The following COLEC11 variants were observed in gnomAD, a reference collection of about 807,000 sequenced individuals.
COLEC11 encodes collectin-11.
COLEC11 carries 20 observed loss-of-function variants against 27.3 expected under a neutral mutation model. The observed-to-expected ratio is 0.73, with a 90% CI of 0.51 to 1.06. COLEC11 has a LOEUF of 1.06. COLEC11 is among the 50% of genes least tolerant of loss of function. The pLI, the probability that COLEC11 is intolerant of heterozygous loss-of-function variation, is 0.00. For synonymous variants in COLEC11, 163 were observed against 154.7 expected, an observed-to-expected ratio of 1.05 and a Z score of -0.40; for missense variants, 310 against 383.0, an observed-to-expected ratio of 0.81 and a Z score of 1.59.
intron 4 of COLEC11, 32 bp from the exon 5 acceptor site, chr2:3,640,246 C>T (rs1407853652): frequency 1.4e-6 from 2 of 1,414,510 alleles, no homozygotes; most frequent in Admixed American, 3.4e-5. Flanking sequence ...CCATCTCTGC[C>T]TGGTGACTTG....
intron 2 of COLEC11, chr2:3,606,258 C>G (rs1197015763): frequency 6.5e-7 from 1 of 1,548,900 alleles, no homozygotes; most frequent in East Asian, 2.4e-5. Context: ...GTAGCCTGCA[C>G]TGGTGGGGGC....
intron 2 of COLEC11, among the ~76,000 whole-genome samples, chr2:3,606,780 T>C (rs537665193): frequency 3.2e-4 from 48 of 152,322 alleles, no homozygotes; most frequent in African/African-American, 1.1e-3. Context: ...ATTGGGTTAC[T>C]CAATGGAGAA....
intron 1 of COLEC11, among the ~76,000 whole-genome samples, chr2:3,598,988 C>T (rs951386259): frequency 7.9e-5 from 12 of 152,110 alleles, no homozygotes; most frequent in African/African-American, 2.9e-4. Context: ...TCCCTTACAT[C>T]GTGACTGAAG....
chr2:3,634,469 C>G (rs1472199034), intron 3 of COLEC11, among the ~76,000 whole-genome samples: 1 of 152,230 alleles, frequency 6.6e-6, no homozygotes, highest in Non-Finnish European at 1.5e-5. Flanking sequence ...CCTCCTCCTG[C>G]AGCAAAGCAG....
intron 3 of COLEC11, chr2:3,626,055 GA>G: frequency 6.2e-7 from 1 of 1,614,186 alleles, no homozygotes; most frequent in Non-Finnish European, 8.5e-7. Flanking sequence ...TCTCCAAAAG[GA>G]AGTGCACCTC....
intron 3 of COLEC11, among the ~76,000 whole-genome samples, chr2:3,636,043 G>T (rs540323490): frequency 3.3e-5 from 5 of 152,236 alleles, no homozygotes; most frequent in African/African-American, 2.4e-5. Context: ...TGAATTGGGG[G>T]AACGTTACAT....
intron 3 of COLEC11, among the ~76,000 whole-genome samples, chr2:3,632,711 C>T (rs890058434): frequency 1.3e-5 from 2 of 152,088 alleles, no homozygotes; most frequent in South Asian, 2.1e-4. Context: ...TCAGCGTGTA[C>T]GTGTGGATGT....
At chr2:3,626,089 C>T in intron 3 of COLEC11, 2 of 1,613,316 alleles carry the variant, frequency 1.2e-6, no homozygotes, top group Non-Finnish European at 1.7e-6. Context: ...AATGGGATCA[C>T]AGGGTAATGG....
chr2:3,599,184 G>A (rs758600813), intron 1 of COLEC11, among the ~76,000 whole-genome samples: 1 of 152,168 alleles, frequency 6.6e-6, no homozygotes, highest in Non-Finnish European at 1.5e-5. Flanking sequence ...AGTGCGTGAT[G>A]GTGCTGATCT....
Position 3,643,550 on chromosome 2 carries a change from C to G in COLEC11, c.424+11C>G. 1.2e-6 allele frequency: 2 copies of G among 1,611,210 alleles called. No homozygotes were observed. The highest frequency in any genetic ancestry group is 1.7e-6 in the Non-Finnish European group (2 of 1,177,742). ...AGTTCATCAAGAATGGTATGTGGCT[C>G]CCGGCGCCGCCCTCGCTCCCTCCCA... On this transcript the variant is annotated intron_variant, in intron 6 of 6. Coordinates refer to ENST00000349077, the MANE Select transcript of COLEC11 (RefSeq NM_024027.5).
chr2:3,602,590 G>T lies in COLEC11; in HGVS notation c.-26-1725G>T, dbSNP rs533252595. Among the ~76,000 whole-genome samples, 22 of 152,284 alleles carry T rather than the reference G, an allele frequency of 1.4e-4. No homozygotes were observed. The highest frequency in any genetic ancestry group is 4.3e-4 in the African/African-American group (18 of 41,552). The stretch of plus-strand genomic sequence containing the variant: ...GTGCTGTTGTGGTCACCCTGGCTTG[G>T]TCTCCTTGCTTCCGTTGCTGTTCCC... On this transcript the variant is annotated intron_variant, in intron 1 of 6. Coordinates refer to ENST00000349077, the MANE Select transcript of COLEC11 (RefSeq NM_024027.5). This position sits in a 1 kb window ranked among gnomAD's most constrained non-coding sequence, Gnocchi z 6.2.
In COLEC11 at chr2:3,627,469, A is replaced by G. The variant is rs11884109; in HGVS notation, c.203-10064A>G. On this transcript the variant is annotated intron_variant, in intron 3 of 6. Transcript: ENST00000349077. ...GGGCACAATGACACTGGGCATGATGATGGAGGGCACGATGAGCACGACGAT... is the reference window on the plus strand; with the variant it reads ...GGGCACAATGACACTGGGCATGATGGTGGAGGGCACGATGAGCACGACGAT... 6.9e-3 allele frequency among the ~76,000 whole-genome samples: 1,026 copies of G among 149,762 alleles called. 14 individuals carry two copies. Among genetic ancestry groups the G allele is most frequent in the African/African-American group, 0.024 (990 of 40,520 alleles).
intron 3 of COLEC11, among the ~76,000 whole-genome samples, chr2:3,618,584 A>G (rs775820802): frequency 2.0e-5 from 3 of 152,180 alleles, no homozygotes; most frequent in Non-Finnish European, 2.9e-5. Context: ...ATTACCATCT[A>G]TCTGTAATAT....
intron 4 of COLEC11, among the ~76,000 whole-genome samples, chr2:3,638,888 T>C (rs909246094): frequency 6.6e-5 from 10 of 152,254 alleles, no homozygotes; most frequent in African/African-American, 2.2e-4. Flanking sequence ...ACATTTGCAA[T>C]GGTGTACAGC....
chr2:3,607,159 G>C (rs1193560460), intron 2 of COLEC11, among the ~76,000 whole-genome samples: 3 of 151,466 alleles, frequency 2.0e-5, no homozygotes, highest in African/African-American at 7.3e-5. Flanking sequence ...CTGAGCACAC[G>C]AGTCAGGCTG....
chr2:3,630,407 C>T (rs1160741173), intron 3 of COLEC11, among the ~76,000 whole-genome samples: 1 of 152,168 alleles, frequency 6.6e-6, no homozygotes, highest in Admixed American at 6.5e-5. Flanking sequence ...GTTCAAGACA[C>T]TTTTGTAAGT....
intron 2 of COLEC11, among the ~76,000 whole-genome samples, chr2:3,604,761 G>A (rs1037435129): frequency 6.6e-6 from 1 of 152,126 alleles, no homozygotes; most frequent in African/African-American, 2.4e-5. Context: ...TGCACACATG[G>A]CCTCGTGTGA....
intron 4 of COLEC11, 71 bp downstream of exon 4, chr2:3,637,675 A>G (rs933856079): frequency 1.7e-6 from 2 of 1,195,100 alleles, no homozygotes; most frequent in Non-Finnish European, 2.5e-6. Flanking sequence ...CCCTGAGAAT[A>G]ATTGTAGCCT....
intron 1 of COLEC11, chr2:3,603,376 G>T (rs896753854): frequency 1.2e-5 from 5 of 430,614 alleles, no homozygotes; most frequent in African/African-American, 4.0e-5. Flanking sequence ...GAGTGTAGTG[G>T]CGTGATCTCA....
Sources: gnomAD v4.1 joint callset for allele counts (sites outside exome capture counted in the v4.1 genomes callset) on GRCh38, gnomAD v4.1.1 for gene constraint, Gnocchi (gnomAD v3.1) non-coding constraint, MANE v1.5 for transcripts, NCBI Gene and HGNC (gene_info 2026-07-23, HGNC 2026-07-21) for gene names.